Variants in RRM2 observed in about 807,000 individuals in gnomAD.
The protein encoded by RRM2 is ribonucleotide reductase regulatory subunit M2.
RRM2 carries 6 observed loss-of-function variants against 45.9 expected under a neutral mutation model. That is an observed-to-expected ratio of 0.13 (90% CI 0.07 to 0.26). RRM2 has a LOEUF of 0.26. Among genes scored for constraint, RRM2 ranks in the 10% least tolerant of loss-of-function variants. RRM2 has a pLI of 1.00. For synonymous variants in RRM2, 177 were observed against 173.0 expected, an observed-to-expected ratio of 1.02 and a Z score of -0.18; for missense variants, 343 against 489.5, an observed-to-expected ratio of 0.70 and a Z score of 2.82.
downstream of RRM2, among the ~76,000 whole-genome samples, chr2:10,135,714 G>A (rs1398898293): frequency 6.6e-6 from 1 of 152,188 alleles, no homozygotes; most frequent in Non-Finnish European, 1.5e-5. Context: ...ACTTAAGAGT[G>A]TAAACAATTA....
At chr2:10,176,677 C>T (rs946242925) in intron 3 of RRM2, among the ~76,000 whole-genome samples, 3 of 152,210 alleles carry the variant, frequency 2.0e-5, no homozygotes, top group Non-Finnish European at 4.4e-5. Context: ...TCAATGTGTA[C>T]AGCACAAGTT....
Position 10,172,344 on chromosome 2 carries a change from A to T in RRM2, n.482+29969A>T, listed in dbSNP as rs1383930839. 1.3e-5 allele frequency among the ~76,000 whole-genome samples: 2 copies of T among 151,990 alleles called. No individual in the cohort carries two copies. Among genetic ancestry groups the T allele is most frequent in the African/African-American group, 4.8e-5 (2 of 41,344 alleles). On this transcript the variant is annotated intron_variant and non_coding_transcript_variant, in intron 3 of 3. Coordinates refer to the RRM2 transcript ENST00000381786. The surrounding 1 kb of genome is among the most constrained non-coding windows in gnomAD (Gnocchi z 4.9). ...TTTCCCTCCCACTTCTGCTGCCTCC[A>T]TCTGACCCTGCTCCGGAGGGACCAG...
intron 3 of RRM2, among the ~76,000 whole-genome samples, chr2:10,192,025 G>A (rs762577262): frequency 6.6e-6 from 1 of 152,140 alleles, no homozygotes; most frequent in Non-Finnish European, 1.5e-5. Context: ...AGGATTTCAT[G>A]GAGGCCAGAG....
chr2:10,137,900 TTCC>T (rs1572495121), upstream of RRM2, among the ~76,000 whole-genome samples: 1 of 152,210 alleles, frequency 6.6e-6, no homozygotes, highest in Non-Finnish European at 1.5e-5. Flanking sequence ...TGCTCTGGCC[TTCC>T]TCTGGACTGA....
intron 3 of RRM2, among the ~76,000 whole-genome samples, chr2:10,167,120 G>A (rs1663698606): frequency 6.6e-6 from 1 of 152,174 alleles, no homozygotes; most frequent in African/African-American, 2.4e-5. Flanking sequence ...CTGCTCTCGA[G>A]ACACGCCTCG....
Position 10,205,314 on chromosome 2 carries a change from C to A in RRM2, n.483-4997C>A, listed in dbSNP as rs1229653029. Among the ~76,000 whole-genome samples, 1 of 152,170 alleles carries A rather than the reference C, an allele frequency of 6.6e-6. No homozygotes were observed. On this transcript the variant is annotated intron_variant and non_coding_transcript_variant, in intron 3 of 3. Transcript: ENST00000381786. This position sits in a 1 kb window ranked among gnomAD's most constrained non-coding sequence, Gnocchi z 4.8. ...GGCCTGTGATATCTGCGGCCAGTGC[C>A]CTCGGTATGTCCCACTCAGCATCCT...
chr2:10,202,217 A>C (rs1367413155), intron 3 of RRM2, among the ~76,000 whole-genome samples: 1 of 152,242 alleles, frequency 6.6e-6, no homozygotes, highest in African/African-American at 2.4e-5. Context: ...ACTGAAAAAA[A>C]AATCCTTTAA....
intron 5 of RRM2, 37 bp downstream of exon 5, chr2:10,124,887 T>C: frequency 1.9e-6 from 3 of 1,560,532 alleles, no homozygotes; most frequent in Middle Eastern, 1.7e-4. Flanking sequence ...TTTTTAGGAC[T>C]CACTAATTGT....
At chr2:10,199,283 A>AG in intron 3 of RRM2, 2 of 116,532 alleles carry the variant, frequency 1.7e-5, no homozygotes, top group Non-Finnish European at 3.7e-5. Flanking sequence ...AGCTAGAAAA[A>AG]AAAAAGGGGG....
At chr2:10,210,648 G>A (rs749460311) in exon 4 of RRM2, 5 of 1,337,794 alleles carry the variant, frequency 3.7e-6, no homozygotes, top group Admixed American at 2.0e-5. Context: ...ATGCCGGAGT[G>A]GGGGAAATGG....
chr2:10,207,385 G>T (rs371400296), intron 3 of RRM2, among the ~76,000 whole-genome samples: 1 of 152,104 alleles, frequency 6.6e-6, no homozygotes, highest in African/African-American at 2.4e-5. Flanking sequence ...CACCGAACCC[G>T]AGGCTCTCTC....
At chr2:10,199,865 C>T (rs1347756145) in intron 3 of RRM2, among the ~76,000 whole-genome samples, 1 of 148,256 alleles carries the variant, frequency 6.7e-6, no homozygotes, top group Non-Finnish European at 1.5e-5. Context: ...TAAAGTTTCA[C>T]TCTTGTTGCC....
intron 3 of RRM2, among the ~76,000 whole-genome samples, chr2:10,194,191 A>G (rs950604569): frequency 6.6e-6 from 1 of 152,218 alleles, no homozygotes; most frequent in Non-Finnish European, 1.5e-5. Context: ...TCGAAGAGGA[A>G]GGAGGCTGCC....
At chr2:10,154,762 C>G (rs1663391425) in intron 3 of RRM2, among the ~76,000 whole-genome samples, 1 of 133,428 alleles carries the variant, frequency 7.5e-6, no homozygotes, top group Non-Finnish European at 1.5e-5. Context: ...GTGGCGCGAT[C>G]TCGGCTCACT....
At chr2:10,152,320 T>G (rs1475498890) in intron 3 of RRM2, among the ~76,000 whole-genome samples, 2 of 152,188 alleles carry the variant, frequency 1.3e-5, no homozygotes, top group Admixed American at 6.5e-5. Flanking sequence ...GTTACACGTC[T>G]TTTATCAGAT....
chr2:10,208,402 G>T (rs1244844351), intron 3 of RRM2, among the ~76,000 whole-genome samples: 1 of 152,162 alleles, frequency 6.6e-6, no homozygotes, highest in South Asian at 2.1e-4. Flanking sequence ...CAGGAGGCAG[G>T]AATAAACAAT....
At chr2:10,150,123 G>T (rs1439297765) in intron 3 of RRM2, among the ~76,000 whole-genome samples, 1 of 151,902 alleles carries the variant, frequency 6.6e-6, no homozygotes, top group African/African-American at 2.4e-5. Flanking sequence ...AGAGCAGTCT[G>T]GCCAAGAAGG....
At chr2:10,123,626 G>A in intron 3 of RRM2, 96 bp downstream of exon 3, 1 of 1,491,754 alleles carries the variant, frequency 6.7e-7, no homozygotes, top group Non-Finnish European at 9.2e-7. Context: ...GGGGCTAACT[G>A]TGGGGCATAG....
chr2:10,135,503 C>G (rs144886037), downstream of RRM2, among the ~76,000 whole-genome samples: 1 of 151,836 alleles, frequency 6.6e-6, no homozygotes, highest in Non-Finnish European at 1.5e-5. Context: ...GAGGGGCATG[C>G]GTGCGGGTGT....
Sources: allele counts gnomAD v4.1 joint callset (sites outside exome capture counted in the v4.1 genomes callset), GRCh38; gene constraint gnomAD v4.1.1; non-coding constraint Gnocchi (gnomAD v3.1); transcripts MANE v1.5; gene names NCBI Gene and HGNC (gene_info 2026-07-23, HGNC 2026-07-21).